The following INSR variants were observed in gnomAD, a reference collection of about 807,000 sequenced individuals.
The protein encoded by INSR is insulin receptor.
A neutral mutation model predicts 142.6 loss-of-function variants in INSR; 67 were observed. That is an observed-to-expected ratio of 0.47 (90% CI 0.39 to 0.58). INSR has a LOEUF of 0.58. Ranked by LOEUF, INSR falls within the 20% of genes least tolerant of loss-of-function variation. INSR has a pLI of 0.00. For synonymous variants in INSR, 756 were observed against 743.1 expected, an observed-to-expected ratio of 1.02 and a Z score of -0.28; for missense variants, 1,248 against 1,833.2, an observed-to-expected ratio of 0.68 and a Z score of 5.83.
At chr19:7,293,690 G>T in intron 1 of INSR, 102 bp downstream of exon 1, 1 of 975,188 alleles carries the variant, frequency 1.0e-6, no homozygotes. Flanking sequence ...CCCCGCCCCT[G>T]GGGAGGGTTC....
intron 2 of INSR, among the ~76,000 whole-genome samples, chr19:7,248,356 C>G (rs2145166608): frequency 6.8e-6 from 1 of 148,074 alleles, no homozygotes; most frequent in African/African-American, 2.5e-5. Flanking sequence ...CACGGTGGTT[C>G]ATGCCTGTAG....
intron 17 of INSR, among the ~76,000 whole-genome samples, chr19:7,124,904 G>T (rs1302428341): frequency 1.3e-5 from 2 of 151,604 alleles, no homozygotes; most frequent in African/African-American, 2.4e-5. Flanking sequence ...GGTTACAAAG[G>T]TGCCAGGAAA....
chr19:7,189,356 C>G (rs1010284775), intron 2 of INSR, among the ~76,000 whole-genome samples: 5 of 152,218 alleles, frequency 3.3e-5, no homozygotes, highest in Non-Finnish European at 4.4e-5. Context: ...CCAGAGGCTG[C>G]GAGACTTTGC....
chr19:7,127,741 TTTTTG>T (rs201741667), intron 15 of INSR, among the ~76,000 whole-genome samples: 9,992 of 152,116 alleles, frequency 0.066, 377 homozygotes, highest in Non-Finnish European at 0.088. Flanking sequence ...GAAAAATATT[TTTTTG>T]TTTTGTTTTG....
intron 2 of INSR, among the ~76,000 whole-genome samples, chr19:7,226,532 C>T (rs1481943375): frequency 4.0e-5 from 6 of 151,828 alleles, no homozygotes; most frequent in African/African-American, 1.5e-4. Context: ...TCAAGACCAT[C>T]CCTGGCAACA....
rs915436642 is a variant in INSR, at chr19:7,191,024, C to T, written c.653-6387G>A. Among the ~76,000 whole-genome samples, 22 of 152,124 alleles carry T rather than the reference C, an allele frequency of 1.4e-4. No individual in the cohort carries two copies. In the East Asian group the frequency reaches 3.3e-3, roughly 23 times the overall value. On this transcript the variant is annotated intron_variant, in intron 2 of 21. Transcript: ENST00000302850. ...ATTTTAAAAAAATAGAGGCTGGGAA[C>T]GGTGGCTCACGCCTGTAATCCCAGC...
chr19:7,196,082 T>G (rs1461270632), intron 2 of INSR, among the ~76,000 whole-genome samples: 1 of 152,220 alleles, frequency 6.6e-6, no homozygotes, highest in East Asian at 1.9e-4. Context: ...ATTACAGGCA[T>G]GTGCCACCAC....
chr19:7,234,348 A>T (rs1376420650), intron 2 of INSR, among the ~76,000 whole-genome samples: 1 of 152,102 alleles, frequency 6.6e-6, no homozygotes, highest in African/African-American at 2.4e-5. Flanking sequence ...CTGGGACTAC[A>T]GGCACATGCC....
intron 1 of INSR, among the ~76,000 whole-genome samples, chr19:7,276,305 C>T (rs1968061153): frequency 6.6e-6 from 1 of 151,786 alleles, no homozygotes; most frequent in East Asian, 1.9e-4. Context: ...ACCACCATGC[C>T]TGGCTAATTT....
chr19:7,180,142 T>G (rs1326508666), intron 3 of INSR, among the ~76,000 whole-genome samples: 1 of 152,154 alleles, frequency 6.6e-6, no homozygotes, highest in African/African-American at 2.4e-5. Context: ...AAGGAGTGTT[T>G]TAAGCCACTA....
chr19:7,136,649 T>G (rs1972935017), intron 13 of INSR, among the ~76,000 whole-genome samples: 2 of 151,810 alleles, frequency 1.3e-5, no homozygotes, highest in Non-Finnish European at 1.5e-5. Context: ...AGACCAACTG[T>G]GTTCACCCTA....
chr19:7,132,463 T>C (rs1327656463), intron 13 of INSR, 146 bp from the exon 14 acceptor site: 1 of 839,422 alleles, frequency 1.2e-6, no homozygotes, highest in African/African-American at 1.7e-5. Flanking sequence ...TAAGCGACTT[T>C]GAGAATTGCA....
chr19:7,256,623 G>T (rs1976901504), intron 2 of INSR, among the ~76,000 whole-genome samples: 1 of 151,806 alleles, frequency 6.6e-6, no homozygotes, highest in African/African-American at 2.4e-5. Flanking sequence ...AAATTAGCCA[G>T]CATGGTGGTG....
At chr19:7,149,293 G>A (rs1273525617) in intron 11 of INSR, among the ~76,000 whole-genome samples, 3 of 152,112 alleles carry the variant, frequency 2.0e-5, no homozygotes, top group Non-Finnish European at 2.9e-5. Context: ...ATTGCAAATG[G>A]CCACTAGAGG....
chr19:7,184,325 T>A lies in INSR; in HGVS notation c.965A>T (p.Asn322Ile), dbSNP rs1431218772. The A allele has an allele frequency of 5.6e-6, 9 of 1,613,750 alleles. No individual in the cohort carries two copies. Among genetic ancestry groups the A allele is most frequent in the Non-Finnish European group, 7.6e-6 (9 of 1,179,966 alleles). ...IPECPSGYTM[N>I]SSNLLCTPCL... ...CACATCCAGAACTCACTTGCTGGAA[T>A]TCATCGTGTACCCGGAGGGACACTC... Residue 322 changes from asparagine to isoleucine, a missense_variant, in exon 3 of 22, where the codon AAT becomes ATT. Physicochemically the swap from Asn to Ile is moderately radical, Grantham distance 149. Transcript: ENST00000302850.
Position 7,197,517 on chromosome 19 carries a change from GT to G in INSR, c.653-12881del, listed in dbSNP as rs1475527592. On this transcript the variant is annotated intron_variant, in intron 2 of 21. Coordinates refer to ENST00000302850, the MANE Select transcript of INSR (RefSeq NM_000208.4). The stretch of plus-strand genomic sequence containing the variant: ...GGCAGGTTCCAGAGTGGGAGTGGGG[GT>G]GTGTGTGTGTGTGTGTGTGTGTGTG... Among the ~76,000 whole-genome samples the G allele has an allele frequency of 2.5e-5, 3 of 118,318 alleles. No individual in the cohort carries two copies. The South Asian group carries it at 7.9e-4, about 31-fold the overall frequency. 77.6% of individuals were successfully genotyped at this position (118,318 alleles called of 152,430 possible).
At chr19:7,165,147 CA>C (rs748052706) in intron 8 of INSR, among the ~76,000 whole-genome samples, 1 of 150,848 alleles carries the variant, frequency 6.6e-6, no homozygotes, top group Non-Finnish European at 1.5e-5. Flanking sequence ...CAAAACAAAA[CA>C]AAAATTAGCC....
intron 2 of INSR, among the ~76,000 whole-genome samples, chr19:7,263,278 C>CA (rs59144562): frequency 0.039 from 5,016 of 129,692 alleles, 115 homozygotes; most frequent in Non-Finnish European, 0.057. Context: ...GACTCCATCT[C>CA]AAAAAAAAAA....
chr19:7,243,482 G>C (rs1459069239), intron 2 of INSR, among the ~76,000 whole-genome samples: 1 of 151,992 alleles, frequency 6.6e-6, no homozygotes, highest in Non-Finnish European at 1.5e-5. Flanking sequence ...CTGACCTCCA[G>C]TGATCTACCT....
Sources: allele counts gnomAD v4.1 joint callset (sites outside exome capture counted in the v4.1 genomes callset), GRCh38; gene constraint gnomAD v4.1.1; transcripts MANE v1.5; gene names NCBI Gene and HGNC (gene_info 2026-07-23, HGNC 2026-07-21).